The following HEPHL1 variants were observed in gnomAD, a reference collection of about 807,000 sequenced individuals.
The protein encoded by HEPHL1 is hephaestin like 1.
A neutral mutation model predicts 122.0 loss-of-function variants in HEPHL1; 123 were observed. The ratio of observed to expected loss-of-function variants is 1.01; its 90% CI spans 0.87 to 1.17. HEPHL1 has a LOEUF of 1.17. Ranked by LOEUF, HEPHL1 falls within the 50% of genes most tolerant of loss-of-function variation. The pLI is 0.00. For missense variants in HEPHL1, 1,452 were observed against 1,430.5 expected, an observed-to-expected ratio of 1.01 and a Z score of -0.24; for synonymous variants, 527 against 508.9, an observed-to-expected ratio of 1.04 and a Z score of -0.48.
At chr11:94,037,196 C>G (rs929200867) in intron 1 of HEPHL1, among the ~76,000 whole-genome samples, 2 of 152,212 alleles carry the variant, frequency 1.3e-5, no homozygotes, top group African/African-American at 2.4e-5. Context: ...GATTATATCC[C>G]GCACCTGGCT....
chr11:94,084,814 G>A (rs538551756), intron 10 of HEPHL1, among the ~76,000 whole-genome samples: 268 of 152,180 alleles, frequency 1.8e-3, no homozygotes, highest in African/African-American at 6.2e-3. Context: ...GTCCTTCTCA[G>A]AAGTGCCAGA....
chr11:94,090,503 A>G (rs777653890), intron 12 of HEPHL1, among the ~76,000 whole-genome samples: 7 of 144,862 alleles, frequency 4.8e-5, no homozygotes, highest in Non-Finnish European at 7.4e-5. Flanking sequence ...ATAAGGAGAT[A>G]AAATGTGCTG....
chr11:94,065,707 G>A (rs4753534), intron 4 of HEPHL1, among the ~76,000 whole-genome samples: 76,268 of 152,012 alleles, frequency 0.5, 19,905 homozygotes, highest in South Asian at 0.59. Flanking sequence ...GTGACCAGTT[G>A]TAATGCATAT....
intron 9 of HEPHL1, among the ~76,000 whole-genome samples, chr11:94,081,698 A>AT (rs1281301944): frequency 3.3e-5 from 5 of 152,120 alleles, no homozygotes; most frequent in African/African-American, 1.2e-4. Flanking sequence ...TTTTCCAGGC[A>AT]TTTTTCTTGG....
Position 94,111,903 on chromosome 11 carries a change from G to T in HEPHL1, c.*9G>T. ...CCACGGATGCTCTGTGAACCATCTG[G>T]TCTCCCTCAACAGGAAAGGGTGATG... On this transcript the variant is annotated 3_prime_UTR_variant, in exon 20 of 20. Coordinates refer to ENST00000315765, the MANE Select transcript of HEPHL1 (RefSeq NM_001098672.2). 6.7e-7 allele frequency: 1 copy of T among 1,502,884 alleles called. No individual in the cohort carries two copies. Among genetic ancestry groups the T allele is most frequent in the Non-Finnish European group, 8.9e-7 (1 of 1,126,290 alleles). 93.1% of individuals were successfully genotyped at this position (1,502,884 alleles called of 1,614,324 possible).
At chr11:94,086,879 T>G (rs137985498) in intron 11 of HEPHL1, among the ~76,000 whole-genome samples, 41 of 152,280 alleles carry the variant, frequency 2.7e-4, no homozygotes, top group Admixed American at 9.8e-4. Flanking sequence ...GAACAAGCCC[T>G]ATAGACATTG....
intron 1 of HEPHL1, among the ~76,000 whole-genome samples, chr11:94,026,316 C>G (rs762663499): frequency 2.6e-5 from 4 of 152,200 alleles, no homozygotes; most frequent in Non-Finnish European, 5.9e-5. Flanking sequence ...TCATTGGATA[C>G]TCATAGCCAC....
At chr11:94,068,889 G>A (rs1310196173) in intron 5 of HEPHL1, among the ~76,000 whole-genome samples, 1 of 152,142 alleles carries the variant, frequency 6.6e-6, no homozygotes, top group Non-Finnish European at 1.5e-5. Context: ...TCACTAATAG[G>A]TGCAAAGATC....
chr11:94,090,130 T>C (rs1237855112), intron 12 of HEPHL1, among the ~76,000 whole-genome samples: 1 of 152,104 alleles, frequency 6.6e-6, no homozygotes, highest in East Asian at 1.9e-4. Context: ...AAGATTTCCC[T>C]TAAGAACAGG....
chr11:94,052,299 A>G (rs1484300499), intron 2 of HEPHL1, among the ~76,000 whole-genome samples: 1 of 151,894 alleles, frequency 6.6e-6, no homozygotes, highest in Non-Finnish European at 1.5e-5. Context: ...TTCTTTCATC[A>G]GTGTTTTATA....
At chr11:94,073,538 G>A in intron 8 of HEPHL1, 99 bp downstream of exon 8, 1 of 1,207,314 alleles carries the variant, frequency 8.3e-7, no homozygotes, top group Non-Finnish European at 1.2e-6. Context: ...TCCATTACCT[G>A]CCCTGAGAGC....
At chr11:94,090,536 A>G (rs563213701) in intron 12 of HEPHL1, among the ~76,000 whole-genome samples, 2 of 152,322 alleles carry the variant, frequency 1.3e-5, no homozygotes, top group Admixed American at 1.3e-4. Flanking sequence ...GTGCAATGCC[A>G]TAATTACACC....
intron 1 of HEPHL1, among the ~76,000 whole-genome samples, chr11:94,027,723 C>T (rs904913349): frequency 1.3e-5 from 2 of 152,200 alleles, no homozygotes; most frequent in South Asian, 2.1e-4. Flanking sequence ...TTTTCATTCC[C>T]CCTCATCATG....
chr11:94,087,885 C>G (rs942643744), intron 11 of HEPHL1, among the ~76,000 whole-genome samples: 1 of 152,146 alleles, frequency 6.6e-6, no homozygotes, highest in African/African-American at 2.4e-5. Context: ...ACATGTATAG[C>G]AAGATAGAGG....
chr11:94,080,654 A>G (rs1284630657), intron 9 of HEPHL1, among the ~76,000 whole-genome samples: 1 of 152,252 alleles, frequency 6.6e-6, no homozygotes, highest in Non-Finnish European at 1.5e-5. Context: ...ACTTCTCAAA[A>G]GAAGACATCT....
chr11:94,090,131 TAAG>T (rs1946254783), intron 12 of HEPHL1, among the ~76,000 whole-genome samples: 2 of 152,092 alleles, frequency 1.3e-5, no homozygotes, highest in Non-Finnish European at 2.9e-5. Context: ...AGATTTCCCT[TAAG>T]AACAGGAGAA....
chr11:94,104,803 C>T, intron 16 of HEPHL1, 53 bp downstream of exon 16: 1 of 1,359,062 alleles, frequency 7.4e-7, no homozygotes. Context: ...CATAGGAATT[C>T]CTGTAAATGT....
Position 94,098,632 on chromosome 11 carries a change from C to T in HEPHL1, c.2435-2563C>T, listed in dbSNP as rs557610453. ...TTTTCCAACTTGATTCCATTCTCCTCGTCACTTTCAGGTACACCAGTCAGA... is the reference window on the plus strand; with the variant it reads ...TTTTCCAACTTGATTCCATTCTCCTTGTCACTTTCAGGTACACCAGTCAGA... On this transcript the variant is annotated intron_variant, in intron 13 of 19. Coordinates refer to ENST00000315765, the MANE Select transcript of HEPHL1 (RefSeq NM_001098672.2). Among the ~76,000 whole-genome samples the T allele has an allele frequency of 3.1e-3, 467 of 152,318 alleles. 2 individuals carry two copies. The highest frequency in any genetic ancestry group is 4.8e-3 in the Non-Finnish European group (327 of 68,026).
intron 17 of HEPHL1, among the ~76,000 whole-genome samples, chr11:94,107,838 C>T (rs770313854): frequency 9.5e-5 from 12 of 126,722 alleles, no homozygotes; most frequent in Non-Finnish European, 1.3e-4. Flanking sequence ...CAAATCAAGT[C>T]ATTACAAACA....
Sources: allele counts gnomAD v4.1 joint callset (sites outside exome capture counted in the v4.1 genomes callset), GRCh38; gene constraint gnomAD v4.1.1; transcripts MANE v1.5; gene names NCBI Gene and HGNC (gene_info 2026-07-23, HGNC 2026-07-21).